The following SYNJ1 variants were observed in gnomAD, a reference collection of about 807,000 sequenced individuals.
SYNJ1 encodes polyphosphatidylinositol phosphatase SYNJ1.
A neutral mutation model predicts 168.2 loss-of-function variants in SYNJ1; 78 were observed. The ratio of observed to expected loss-of-function variants is 0.46; its 90% CI spans 0.39 to 0.56. The LOEUF (loss-of-function observed/expected upper bound fraction) is 0.56, where lower values mean the gene tolerates loss of function less well. SYNJ1 is among the 20% of genes least tolerant of loss of function. The pLI, the probability that SYNJ1 is intolerant of heterozygous loss-of-function variation, is 0.00. For synonymous variants in SYNJ1, 539 were observed against 548.6 expected (o/e 0.98, Z 0.24); for missense variants, 1,303 against 1,597.6 (o/e 0.82, Z 3.14).
At chr21:32,644,063 C>T (rs532592148) in intron 26 of SYNJ1, among the ~76,000 whole-genome samples, 35 of 152,230 alleles carry the variant, frequency 2.3e-4, no homozygotes, top group Non-Finnish European at 4.1e-4. Flanking sequence ...AATTTATTTT[C>T]TACAGGATGT....
At chr21:32,728,072 C>T, upstream of SYNJ1, 1 of 1,521,634 alleles carries the variant, frequency 6.6e-7, no homozygotes. Flanking sequence ...AGATCCGCCC[C>T]GCGCGAGGGA....
chr21:32,722,115 G>A (rs2043245423), intron 2 of SYNJ1, among the ~76,000 whole-genome samples: 1 of 151,062 alleles, frequency 6.6e-6, no homozygotes, highest in Non-Finnish European at 1.5e-5. Flanking sequence ...AACTTGGGAA[G>A]GGGAGGTTGC....
rs1250410568 is a variant in SYNJ1 at position 32,653,360 on chromosome 21, T to C, written c.2802A>G (p.Val934=). ...AAAATGTAACCCACATTTTATCTTC[T>C]ACAAATCTTTAAGAAAAACAATAAA... ...SFGEVILIRF[V]EDKMWVTFLE... is the part of the protein sequence containing the mutation. The change falls in exon 22 of 33, where the codon GTA becomes GTG. Residue 934 remains valine (V), a synonymous_variant. Transcript: ENST00000674351. The C allele has an allele frequency of 6.2e-7, 1 of 1,611,556 alleles. No individual in the cohort carries two copies. Among genetic ancestry groups the C allele is most frequent in the Admixed American group, 1.7e-5 (1 of 59,996 alleles).
chr21:32,642,276 A>C, intron 27 of SYNJ1, 143 bp from the exon 28 acceptor site: 1 of 822,718 alleles, frequency 1.2e-6, no homozygotes, highest in South Asian at 1.6e-5. Flanking sequence ...TGCTTTGTAT[A>C]ATGATGAAGG....
chr21:32,678,378 A>G (rs1172413286), intron 12 of SYNJ1, among the ~76,000 whole-genome samples: 1 of 152,210 alleles, frequency 6.6e-6, no homozygotes, highest in African/African-American at 2.4e-5. Flanking sequence ...TACAAAGTTA[A>G]CAATGCTTAA....
chr21:32,672,085 GAAAAAGAA>G (rs2041224913), intron 14 of SYNJ1, among the ~76,000 whole-genome samples: 1 of 74,160 alleles, frequency 1.3e-5, no homozygotes, highest in Admixed American at 1.5e-4. Context: ...AAAAAAAAAA[GAAAAAGAA>G]AAAGAAAAAG....
chr21:32,667,485 T>TA (rs1244937371), intron 15 of SYNJ1, among the ~76,000 whole-genome samples: 5 of 151,704 alleles, frequency 3.3e-5, no homozygotes, highest in Admixed American at 6.6e-5. Context: ...CCCCATTTAT[T>TA]AAAAAAAAAT....
intron 2 of SYNJ1, among the ~76,000 whole-genome samples, chr21:32,723,551 C>T (rs1261468186): frequency 6.6e-6 from 1 of 152,182 alleles, no homozygotes; most frequent in Non-Finnish European, 1.5e-5. Flanking sequence ...CGAGCAGTGG[C>T]TCACGCCTGT....
intron 1 of SYNJ1, chr21:32,727,712 CGCGG>C (rs1299215645): frequency 1.1e-6 from 1 of 930,258 alleles, no homozygotes; most frequent in African/African-American, 1.8e-5. Flanking sequence ...GGTTCGTTCC[CGCGG>C]GCGGGCTGAC....
intron 29 of SYNJ1, among the ~76,000 whole-genome samples, chr21:32,640,098 C>A (rs2039763220): frequency 6.6e-6 from 1 of 152,040 alleles, no homozygotes; most frequent in Non-Finnish European, 1.5e-5. Flanking sequence ...GAAATATATA[C>A]AACTTGCCCA....
chr21:32,664,833 T>A (rs1267824718), intron 18 of SYNJ1, 80 bp downstream of exon 18: 6 of 1,332,564 alleles, frequency 4.5e-6, no homozygotes, highest in African/African-American at 4.4e-5. Context: ...CCCAAGAAAA[T>A]TTTAAAACAT....
At chr21:32,665,393 CAA>C (rs1490220713) in intron 17 of SYNJ1, among the ~76,000 whole-genome samples, 1 of 152,216 alleles carries the variant, frequency 6.6e-6, no homozygotes, top group Non-Finnish European at 1.5e-5. Flanking sequence ...AGACTGAACT[CAA>C]AGTCATCCCT....
chr21:32,707,975 C>T (rs1336687547), intron 2 of SYNJ1, among the ~76,000 whole-genome samples: 1 of 152,146 alleles, frequency 6.6e-6, no homozygotes, highest in Non-Finnish European at 1.5e-5. Flanking sequence ...CAAGATGTGC[C>T]ACCGCACTCC....
chr21:32,637,640 T>C (rs1481153938), intron 31 of SYNJ1, among the ~76,000 whole-genome samples: 1 of 152,140 alleles, frequency 6.6e-6, no homozygotes, highest in Non-Finnish European at 1.5e-5. Context: ...GGTCTTGAAT[T>C]CCTGACCTCA....
chr21:32,631,730 T>C lies in SYNJ1; in HGVS notation c.*75A>G, dbSNP rs756090874. Reference sequence around the variant, plus strand: ...CCTTTGATACAGCAAGCAGATTAAATGACAGATCTTCAAATGGGTCAATCT... The same window carrying C: ...CCTTTGATACAGCAAGCAGATTAAACGACAGATCTTCAAATGGGTCAATCT... On this transcript the variant is annotated 3_prime_UTR_variant, in exon 33 of 33. Transcript: ENST00000674351. The C allele has an allele frequency of 2.9e-5, 47 of 1,614,236 alleles. No individual in the cohort carries two copies. Among genetic ancestry groups the C allele is most frequent in the Non-Finnish European group, 3.6e-5 (43 of 1,180,048 alleles).
rs116477798 is a variant in SYNJ1, at chr21:32,688,416, C to T, written c.790-49G>A. On this transcript the variant is annotated intron_variant, in intron 6 of 32. Transcript: ENST00000674351. ...ATCAAACCAAAAACCAACATATAGACGAAAGAAATATCACTGCTTACAATA... is the reference window on the plus strand; with the variant it reads ...ATCAAACCAAAAACCAACATATAGATGAAAGAAATATCACTGCTTACAATA... 2,637 of 1,499,920 alleles carry T rather than the reference C, an allele frequency of 1.8e-3. 51 individuals are homozygous for T. The African/African-American group carries it at 0.033, about 19-fold the overall frequency. The allele number at this position is 1,499,920 out of a possible 1,614,324, so 92.9% of individuals were successfully genotyped here. A position where few individuals can be genotyped will look rare whatever the true frequency, so the allele number is the denominator to read the frequency against.
intron 4 of SYNJ1, among the ~76,000 whole-genome samples, chr21:32,698,998 A>T (rs1165250702): frequency 1.3e-5 from 2 of 150,518 alleles, no homozygotes; most frequent in Non-Finnish European, 3.0e-5. Flanking sequence ...TTCAGTGTAG[A>T]CTGGGGGGAG....
At position 32,645,775 on chromosome 21, in the gene SYNJ1, C is replaced by T. The variant is rs1250040982; in HGVS notation, c.3262G>A (p.Ala1088Thr). 6.8e-7 allele frequency: 1 copy of T among 1,470,098 alleles called. No homozygotes were observed. 91.1% of individuals were successfully genotyped at this position (1,470,098 alleles called of 1,614,324 possible). A position where few individuals can be genotyped will look rare whatever the true frequency, so the allele number is the denominator to read the frequency against. ...TGCGGCAGCGGCGTTGCTGGCTGCG[C>T]GTCAATAGGAGAACCTAAAAAGCGC... ...PPSAQSSPID[A>T]QPATPLPQKD... is the part of the protein sequence containing the mutation. The change falls in exon 25 of 33, where the codon GCG (alanine) becomes ACG (threonine). Residue 1088 changes from alanine (A) to threonine (T), a missense_variant. By Grantham distance (58) the Ala-to-Thr change is moderately conservative. Coordinates refer to ENST00000674351, the MANE Select transcript of SYNJ1 (RefSeq NM_203446.3).
At chr21:32,677,437 G>A (rs1205174176) in intron 12 of SYNJ1, among the ~76,000 whole-genome samples, 2 of 152,116 alleles carry the variant, frequency 1.3e-5, no homozygotes, top group Non-Finnish European at 2.9e-5. Flanking sequence ...TTTACTTATA[G>A]TAAAATGCGC....
Sources: allele counts gnomAD v4.1 joint callset (sites outside exome capture counted in the v4.1 genomes callset), GRCh38; gene constraint gnomAD v4.1.1; transcripts MANE v1.5; gene names NCBI Gene and HGNC (gene_info 2026-07-23, HGNC 2026-07-21).